The following IL16 variants were observed in gnomAD, a reference collection of about 807,000 sequenced individuals.
The protein encoded by IL16 is pro-interleukin-16.
In IL16, 67 loss-of-function variants were observed where a neutral mutation model predicts 110.1. That is an observed-to-expected ratio of 0.61 (90% confidence interval 0.50 to 0.75). The LOEUF (loss-of-function observed/expected upper bound fraction) is 0.75. Ranked by LOEUF, IL16 falls within the 30% of genes least tolerant of loss-of-function variation. The probability of loss-of-function intolerance (pLI) is 0.00; values close to 1 mark genes in which losing one functional copy is unlikely to be tolerated. For missense variants in IL16, 1,545 were observed against 1,655.0 expected, an observed-to-expected ratio of 0.93 and a Z score of 1.15; for synonymous variants, 689 against 662.9, an observed-to-expected ratio of 1.04 and a Z score of -0.61.
chr15:81,187,738 T>C (rs764888880), intron 1 of IL16, among the ~76,000 whole-genome samples: 6 of 152,236 alleles, frequency 3.9e-5, no homozygotes, highest in African/African-American at 4.8e-5. Flanking sequence ...TGCTTTGTCC[T>C]CCTTTGACCG....
chr15:81,306,525 C>G lies in IL16; in HGVS notation c.3785C>G (p.Thr1262Ser). Residue 1262 changes from threonine to serine, a missense_variant, in exon 18 of 19, where the codon ACC becomes AGC. Around this residue, in one of 3 missense-constraint regions of IL16, gnomAD observed 356 missense variants for 399.3 expected, o/e 0.89. Coordinates refer to ENST00000683961, the MANE Select transcript of IL16 (RefSeq NM_172217.5). ...TCCCTACACGGAGACAAGCCTCTCACCATTAACAGGATTTTCAAAGGTGTG... is the reference window on the plus strand; with the variant it reads ...TCCCTACACGGAGACAAGCCTCTCAGCATTAACAGGATTTTCAAAGGTGTG... The part of the protein sequence containing the change: ...KGSLHGDKPL[T>S]INRIFKGAAS... 1 of 1,613,502 alleles carries G rather than the reference C, an allele frequency of 6.2e-7. No homozygotes were observed. The highest frequency in any genetic ancestry group is 8.5e-7 in the Non-Finnish European group (1 of 1,180,030).
intron 1 of IL16, among the ~76,000 whole-genome samples, chr15:81,207,186 T>C (rs1279392080): frequency 7.0e-6 from 1 of 142,472 alleles, no homozygotes; most frequent in Non-Finnish European, 1.5e-5. Context: ...TGCAGTGAGC[T>C]GAGATCATGC....
intron 1 of IL16, among the ~76,000 whole-genome samples, chr15:81,208,850 G>T (rs960063337): frequency 1.3e-5 from 2 of 152,154 alleles, no homozygotes; most frequent in Non-Finnish European, 2.9e-5. Context: ...GTTACTAGCT[G>T]TGTAATCCCA....
At chr15:81,182,721 G>A (rs1350524528) in exon 1 of IL16, 5 of 394,220 alleles carry the variant, frequency 1.3e-5, no homozygotes, top group East Asian at 1.7e-4. Flanking sequence ...CAGTTCTAAC[G>A]AGGAGTTACT....
At chr15:81,231,795 A>T (rs1236327196) in intron 2 of IL16, among the ~76,000 whole-genome samples, 1 of 152,100 alleles carries the variant, frequency 6.6e-6, no homozygotes, top group African/African-American at 2.4e-5. Context: ...GTTAGCTGCT[A>T]ACTTTTTTCC....
chr15:81,286,603 T>C (rs1308528154), intron 10 of IL16, among the ~76,000 whole-genome samples: 1 of 152,204 alleles, frequency 6.6e-6, no homozygotes, highest in Non-Finnish European at 1.5e-5. Context: ...TCTGTAGCTG[T>C]AGAAGGAGCA....
intron 1 of IL16, among the ~76,000 whole-genome samples, chr15:81,189,164 C>T (rs1895461766): frequency 6.7e-6 from 1 of 148,702 alleles, no homozygotes; most frequent in Non-Finnish European, 1.5e-5. Context: ...CACTACATCA[C>T]CCAGGCTGGA....
intron 11 of IL16, 144 bp from the exon 12 acceptor site, chr15:81,292,412 C>T: frequency 8.2e-7 from 1 of 1,214,964 alleles, no homozygotes; most frequent in Non-Finnish European, 1.2e-6. Context: ...CCAAGACTGC[C>T]ATACTCCAGA....
At position 81,225,420 on chromosome 15, in the gene IL16, T is replaced by G. The variant is rs1307126224; in HGVS notation, c.21T>G (p.Ala7=). The change falls in exon 2 of 19, where the codon GCT becomes GCG. Residue 7 remains alanine, a synonymous_variant. Transcript: ENST00000683961. ...TGAGGATGGAGTCGCACAGCCGCGC[T>G]GGAAAGAGCAGAAAATCTGCAAAAT... MESHSR[A]GKSRKSAKFR... The G allele has an allele frequency of 2.5e-6, 4 of 1,614,140 alleles. No individual in the cohort carries two copies. The South Asian group carries it at 4.4e-5, about 18-fold the overall frequency.
At chr15:81,255,760 G>T (rs1004626640) in intron 2 of IL16, among the ~76,000 whole-genome samples, 27 of 146,936 alleles carry the variant, frequency 1.8e-4, no homozygotes, top group Non-Finnish European at 3.6e-4. Flanking sequence ...AGTATTTACA[G>T]CTAATCTGGG....
chr15:81,235,419 C>T (rs1036930082), intron 2 of IL16, among the ~76,000 whole-genome samples: 1 of 152,132 alleles, frequency 6.6e-6, no homozygotes, highest in South Asian at 2.1e-4. Flanking sequence ...AGATCCCAGA[C>T]TCTTTTTAAC....
At chr15:81,308,007 CA>C (rs1480072841) in intron 18 of IL16, among the ~76,000 whole-genome samples, 1 of 152,182 alleles carries the variant, frequency 6.6e-6, no homozygotes, top group Non-Finnish European at 1.5e-5. Context: ...ATCACTGTGT[CA>C]AATGGATGGG....
At chr15:81,215,231 C>T (rs919618132) in intron 1 of IL16, among the ~76,000 whole-genome samples, 1 of 152,170 alleles carries the variant, frequency 6.6e-6, no homozygotes, top group African/African-American at 2.4e-5. Context: ...CTGGTTCTTT[C>T]CCATCTGCAA....
At chr15:81,217,983 T>G (rs190639425) in intron 1 of IL16, among the ~76,000 whole-genome samples, 9 of 152,306 alleles carry the variant, frequency 5.9e-5, no homozygotes, top group African/African-American at 2.2e-4. Flanking sequence ...ATGAAAATCC[T>G]GTATTGTCAT....
chr15:81,250,389 G>T (rs902820065), intron 2 of IL16, among the ~76,000 whole-genome samples: 3 of 152,132 alleles, frequency 2.0e-5, no homozygotes, highest in African/African-American at 7.2e-5. Flanking sequence ...TGTTGGTCAG[G>T]TTGTCTCAAG....
chr15:81,296,890 C>T (rs538610339), intron 12 of IL16, 38 bp from the exon 13 acceptor site: 1 of 1,547,070 alleles, frequency 6.5e-7, no homozygotes, highest in Admixed American at 2.0e-5. Context: ...CTTGAGGCTA[C>T]CGTTTTGACA....
At chr15:81,305,646 C>T (rs1173230441) in intron 16 of IL16, 4 of 445,174 alleles carry the variant, frequency 9.0e-6, no homozygotes, top group African/African-American at 5.9e-5. Context: ...CAACTAGAAT[C>T]GTGGTGGTAC....
intron 2 of IL16, among the ~76,000 whole-genome samples, chr15:81,254,783 C>T (rs932773545): frequency 6.6e-6 from 1 of 152,170 alleles, no homozygotes; most frequent in Non-Finnish European, 1.5e-5. Flanking sequence ...GGGGCTCCTA[C>T]AGAGAATCCT....
At chr15:81,266,574 G>A (rs1055323263) in intron 4 of IL16, among the ~76,000 whole-genome samples, 2 of 152,158 alleles carry the variant, frequency 1.3e-5, no homozygotes, top group Non-Finnish European at 2.9e-5. Context: ...AGCACGCTGT[G>A]CTGCACGCTG....
Sources: gnomAD v4.1 joint callset for allele counts (sites outside exome capture counted in the v4.1 genomes callset) on GRCh38, gnomAD v4.1.1 for gene constraint, gnomAD v4.1.1 regional missense constraint, MANE v1.5 for transcripts, NCBI Gene and HGNC (gene_info 2026-07-23, HGNC 2026-07-21) for gene names.